Variants in ADCY1 observed in about 807,000 individuals in gnomAD.
ADCY1 encodes adenylate cyclase type 1.
ADCY1 carries 28 observed loss-of-function variants against 105.4 expected under a neutral mutation model. The observed-to-expected ratio is 0.27, with a 90% confidence interval of 0.20 to 0.36. ADCY1 has a LOEUF of 0.36. Ranked by LOEUF, ADCY1 falls within the 10% of genes least tolerant of loss-of-function variation. The probability of loss-of-function intolerance (pLI) is 1.00; values close to 1 mark genes in which losing one functional copy is unlikely to be tolerated. For synonymous variants in ADCY1, 655 were observed against 623.8 expected, an observed-to-expected ratio of 1.05 and a Z score of -0.75; for missense variants, 977 against 1,434.2, an observed-to-expected ratio of 0.68 and a Z score of 5.15.
At position 45,591,175 on chromosome 7, in the gene ADCY1, A is replaced by G. The variant is rs1792905665; in HGVS notation, c.640-1584A>G. Among the ~76,000 whole-genome samples the G allele has an allele frequency of 6.6e-6, 1 of 152,074 alleles. No individual in the cohort carries two copies. The highest frequency in any genetic ancestry group is 2.1e-4 in the South Asian group (1 of 4,826). On this transcript the variant is annotated intron_variant, in intron 1 of 19. Transcript: ENST00000297323. This position sits in a 1 kb window ranked among gnomAD's most constrained non-coding sequence, Gnocchi z 4.1. ...ACACCTCAGGTTTGAAGGTGCTCCA[A>G]ATCTGTCCTCTCCCCTCCCTGTGGC...
intron 4 of ADCY1, among the ~76,000 whole-genome samples, chr7:45,638,782 A>G (rs73117936): frequency 1.6e-3 from 236 of 152,222 alleles, no homozygotes; most frequent in Non-Finnish European, 3.0e-3. Context: ...CCATAGGGGC[A>G]TTATATGCAG....
rs1424934432 is a variant in ADCY1 at position 45,718,093 on chromosome 7, C to G, written c.*4098C>G. 2 of 152,196 alleles carry G rather than the reference C, an allele frequency of 1.3e-5. No homozygotes were observed. Among genetic ancestry groups the G allele is most frequent in the South Asian group, 2.1e-4 (1 of 4,830 alleles). 9.4% of individuals were successfully genotyped at this position (152,196 alleles called of 1,614,324 possible). On this transcript the variant is annotated 3_prime_UTR_variant, in exon 20 of 20. Coordinates refer to ENST00000297323, the MANE Select transcript of ADCY1 (RefSeq NM_021116.4). ...CCCAGGCTGGTCAGAGCTCAGCACC[C>G]CAGGTCTGGTGAGCAGACAGAGCCG... is the stretch of plus-strand genomic sequence containing the variant.
chr7:45,684,779 T>G (rs1423449326), intron 11 of ADCY1, 200 bp from the exon 12 acceptor site: 2 of 490,924 alleles, frequency 4.1e-6, no homozygotes, highest in African/African-American at 1.9e-5. Flanking sequence ...TCAGGTTTCT[T>G]TTTTTAACTT....
Position 45,574,535 on chromosome 7 carries a change from G to A in ADCY1, c.-9G>A, listed in dbSNP as rs1792259786. 1 of 976,876 alleles carries A rather than the reference G, an allele frequency of 1.0e-6. No homozygotes were observed. The highest frequency in any genetic ancestry group is 1.8e-5 in the African/African-American group (1 of 56,042). 60.5% of individuals were successfully genotyped at this position (976,876 alleles called of 1,614,324 possible). ...GCGCCCGCGGCCGCGGCCGCTGCAT[G>A]GCGCTGAGATGGCGGGGGCGCCGCG... On this transcript the variant is annotated 5_prime_UTR_variant, in exon 1 of 20. It removes an upstream start codon present in the reference 5' UTR. Coordinates refer to ENST00000297323, the MANE Select transcript of ADCY1 (RefSeq NM_021116.4). This position sits in a 1 kb window ranked among gnomAD's most constrained non-coding sequence, Gnocchi z 7.0.
intron 2 of ADCY1, among the ~76,000 whole-genome samples, chr7:45,604,555 T>C (rs1793325627): frequency 6.6e-6 from 1 of 152,224 alleles, no homozygotes; most frequent in Admixed American, 6.5e-5. Flanking sequence ...AATGTCAAGT[T>C]GCTGTAGCAT....
intron 8 of ADCY1, chr7:45,664,651 TAATA>T (rs1268776749): frequency 3.5e-6 from 2 of 567,598 alleles, no homozygotes. Context: ...TGTATTTTTT[TAATA>T]AACTTGACTG....
chr7:45,604,784 A>C (rs984042543), intron 2 of ADCY1, among the ~76,000 whole-genome samples: 1 of 152,142 alleles, frequency 6.6e-6, no homozygotes, highest in Non-Finnish European at 1.5e-5. Flanking sequence ...GTTCTTTTTC[A>C]AAATTATGTT....
At chr7:45,630,253 T>G (rs1175703843) in intron 4 of ADCY1, among the ~76,000 whole-genome samples, 1 of 152,138 alleles carries the variant, frequency 6.6e-6, no homozygotes, top group Non-Finnish European at 1.5e-5. Context: ...GAGCAGAAAG[T>G]TTTAGTGTTT....
intron 2 of ADCY1, among the ~76,000 whole-genome samples, chr7:45,609,428 G>A (rs11977613): frequency 0.021 from 3,153 of 152,344 alleles, 97 homozygotes; most frequent in African/African-American, 0.062. Context: ...CACTGAGCAC[G>A]ACAGGCCGCT....
Position 45,703,754 on chromosome 7 carries a change from T to G in ADCY1, c.2718+8T>G, listed in dbSNP as rs889041877. 1 of 1,566,242 alleles carries G rather than the reference T, an allele frequency of 6.4e-7. No individual in the cohort carries two copies. Among genetic ancestry groups the G allele is most frequent in the Non-Finnish European group, 8.7e-7 (1 of 1,153,864 alleles). On this transcript the variant is annotated splice_region_variant and intron_variant, in intron 16 of 19. Transcript: ENST00000297323. This position sits in a 1 kb window ranked among gnomAD's most constrained non-coding sequence, Gnocchi z 5.9. ...ATCGCCGACTTTGACGAGGTGAGGC[T>G]GTGCGTCGCCATCCTGACCCCGCCT...
chr7:45,604,654 A>G (rs1793327940), intron 2 of ADCY1, among the ~76,000 whole-genome samples: 1 of 152,012 alleles, frequency 6.6e-6, no homozygotes, highest in South Asian at 2.1e-4. Flanking sequence ...CTATTTGTGG[A>G]TTCTAGATTC....
At position 45,720,336 on chromosome 7, in the gene ADCY1, C is replaced by T. The variant is rs542587095; in HGVS notation, c.*6341C>T. The T allele has an allele frequency of 6.6e-6, 1 of 152,014 alleles. No homozygotes were observed. Among genetic ancestry groups the T allele is most frequent in the South Asian group, 2.1e-4 (1 of 4,814 alleles). 9.4% of individuals were successfully genotyped at this position (152,014 alleles called of 1,614,324 possible). On this transcript the variant is annotated 3_prime_UTR_variant, in exon 20 of 20. Transcript: ENST00000297323. ...GACCAGCCTGGTCAACATGGTGAAA[C>T]CCCGTCTCTACTAAAAATACAAAAA...
At chr7:45,620,712 G>A (rs1014488579) in intron 3 of ADCY1, among the ~76,000 whole-genome samples, 3 of 152,184 alleles carry the variant, frequency 2.0e-5, no homozygotes, top group Non-Finnish European at 2.9e-5. Context: ...TCATCTACAA[G>A]GGATCTTCAA....
intron 3 of ADCY1, among the ~76,000 whole-genome samples, chr7:45,614,434 A>G (rs1467075917): frequency 1.3e-5 from 2 of 152,216 alleles, no homozygotes; most frequent in African/African-American, 2.4e-5. Flanking sequence ...CATCAAAGCA[A>G]AAACATTAAC....
At chr7:45,701,268 A>C (rs1784989506) in intron 14 of ADCY1, among the ~76,000 whole-genome samples, 1 of 152,192 alleles carries the variant, frequency 6.6e-6, no homozygotes, top group Admixed American at 6.5e-5. Flanking sequence ...TGGCACAGGG[A>C]AAGACAGACG....
chr7:45,720,267 T>G lies in ADCY1; in HGVS notation c.*6272T>G, dbSNP rs1481923426. On this transcript the variant is annotated 3_prime_UTR_variant, in exon 20 of 20. Coordinates refer to ENST00000297323, the MANE Select transcript of ADCY1 (RefSeq NM_021116.4). The stretch of plus-strand genomic sequence containing the variant: ...GGCTCATGCCTGTAAGCCCAGCACT[T>G]TGGGAGGCGGAGGCGGGTGGATCCA... 3 of 152,060 alleles carry G rather than the reference T, an allele frequency of 2.0e-5. No individual in the cohort carries two copies. Among genetic ancestry groups the G allele is most frequent in the African/African-American group, 7.2e-5 (3 of 41,380 alleles). 9.4% of individuals were successfully genotyped at this position (152,060 alleles called of 1,614,324 possible).
At chr7:45,691,278 C>T (rs1002299161) in intron 14 of ADCY1, among the ~76,000 whole-genome samples, 12 of 152,244 alleles carry the variant, frequency 7.9e-5, no homozygotes, top group African/African-American at 2.7e-4. Flanking sequence ...GATCCTTGTG[C>T]ATGCGTGTCA....
intron 7 of ADCY1, among the ~76,000 whole-genome samples, chr7:45,661,854 C>T (rs796793162): frequency 3.3e-5 from 5 of 152,276 alleles, no homozygotes; most frequent in African/African-American, 9.6e-5. Flanking sequence ...GAGAATGGAA[C>T]GTTTTGGACG....
intron 2 of ADCY1, among the ~76,000 whole-genome samples, chr7:45,594,937 T>C (rs947593782): frequency 8.5e-5 from 13 of 152,194 alleles, no homozygotes; most frequent in African/African-American, 2.9e-4. Context: ...TCTTTTTGCT[T>C]ATCATTTTGC....
Sources: allele counts gnomAD v4.1 joint callset (sites outside exome capture counted in the v4.1 genomes callset), GRCh38; gene constraint gnomAD v4.1.1; non-coding constraint Gnocchi (gnomAD v3.1); transcripts MANE v1.5; gene names NCBI Gene and HGNC (gene_info 2026-07-23, HGNC 2026-07-21).